The following C3orf22 variants were observed in gnomAD, a reference collection of about 807,000 sequenced individuals.
C3orf22 encodes chromosome 3 open reading frame 22, also known as uncharacterized protein C3orf22.
Under a neutral mutation model 10.8 loss-of-function variants are expected in C3orf22, and 7 were observed. That is an observed-to-expected ratio of 0.65 (90% CI 0.37 to 1.22). The LOEUF (loss-of-function observed/expected upper bound fraction) is 1.22. Ranked by LOEUF, C3orf22 falls within the 50% of genes most tolerant of loss-of-function variation. The pLI is 0.02. For missense variants in C3orf22, 173 were observed against 177.0 expected, an observed-to-expected ratio of 0.98 and a Z score of 0.13; for synonymous variants, 79 against 78.9, an observed-to-expected ratio of 1.00 and a Z score of 0.00.
At chr3:126,533,134 C>A (rs1936692782) in intron 4 of C3orf22, among the ~76,000 whole-genome samples, 1 of 152,192 alleles carries the variant, frequency 6.6e-6, no homozygotes, top group South Asian at 2.1e-4. Context: ...TTTGTGAATT[C>A]TTTAGGGTTT....
chr3:126,556,801 GCTCACCCACACACACAGA>G (rs1937346767), intron 1 of C3orf22, among the ~76,000 whole-genome samples: 1 of 106,524 alleles, frequency 9.4e-6, no homozygotes, highest in Non-Finnish European at 2.0e-5. Context: ...ACACACTCAG[GCTCACCCACACACACAGA>G]CTCACATACA....
downstream of C3orf22, chr3:126,549,654 A>T: frequency 6.6e-7 from 1 of 1,515,388 alleles, no homozygotes; most frequent in East Asian, 2.5e-5. Flanking sequence ...TGAGAAAATG[A>T]AGGCTCAGGG....
At chr3:126,549,563 G>A, downstream of C3orf22, 1 of 1,017,920 alleles carries the variant, frequency 9.8e-7, no homozygotes. Context: ...TTGGGATAAA[G>A]TCCTAGAAGT....
exon 5 of C3orf22, chr3:126,529,368 C>T: frequency 1.6e-6 from 2 of 1,289,340 alleles, no homozygotes; most frequent in Non-Finnish European, 2.0e-6. Context: ...ATGGGGCCCA[C>T]TTGCCTACGG....
chr3:126,535,278 T>C (rs1160408508), intron 4 of C3orf22, among the ~76,000 whole-genome samples: 1 of 146,524 alleles, frequency 6.8e-6, no homozygotes, highest in African/African-American at 2.6e-5. Flanking sequence ...ATCACTGTCC[T>C]CAGCTGGAGA....
At chr3:126,555,797 G>A (rs186819443) in intron 1 of C3orf22, among the ~76,000 whole-genome samples, 36 of 152,292 alleles carry the variant, frequency 2.4e-4, no homozygotes, top group Non-Finnish European at 3.8e-4. Flanking sequence ...CTACCTTCCT[G>A]CTCCATAACC....
downstream of C3orf22, among the ~76,000 whole-genome samples, chr3:126,547,687 G>A (rs1377776300): frequency 6.6e-6 from 1 of 152,134 alleles, no homozygotes; most frequent in African/African-American, 2.4e-5. Flanking sequence ...GAGAGGCTGG[G>A]AACTCTCTGG....
chr3:126,556,480 C>G (rs1170683453), intron 1 of C3orf22, among the ~76,000 whole-genome samples: 1 of 152,016 alleles, frequency 6.6e-6, no homozygotes, highest in Non-Finnish European at 1.5e-5. Flanking sequence ...GGGTGCAGCT[C>G]CCAAGTGCAG....
intron 4 of C3orf22, among the ~76,000 whole-genome samples, chr3:126,541,490 AC>A (rs1194675952): frequency 1.3e-5 from 2 of 152,124 alleles, no homozygotes; most frequent in Non-Finnish European, 2.9e-5. Flanking sequence ...CGGCATACAT[AC>A]CCAGCGCGTC....
chr3:126,555,580 A>G (rs1281161424), intron 1 of C3orf22, among the ~76,000 whole-genome samples: 1 of 152,158 alleles, frequency 6.6e-6, no homozygotes, highest in Non-Finnish European at 1.5e-5. Context: ...TGGGGAATCT[A>G]GGCTGCATGC....
chr3:126,530,891 C>T (rs940208245), intron 4 of C3orf22, among the ~76,000 whole-genome samples: 4 of 152,262 alleles, frequency 2.6e-5, no homozygotes, highest in African/African-American at 4.8e-5. Context: ...GAGTCTGGCC[C>T]TTGTTCCTGG....
intron 4 of C3orf22, among the ~76,000 whole-genome samples, chr3:126,536,896 A>AACACACACAC (rs10670471): frequency 0.029 from 4,111 of 140,398 alleles, 88 homozygotes; most frequent in African/African-American, 0.054. Context: ...CACACACACA[A>AACACACACAC]ACACACACAC....
chr3:126,530,307 C>G (rs142293270), intron 4 of C3orf22, among the ~76,000 whole-genome samples: 11 of 152,376 alleles, frequency 7.2e-5, no homozygotes, highest in Non-Finnish European at 1.5e-4. Flanking sequence ...CCCCTGGGGG[C>G]TGTTATGGTA....
chr3:126,552,488 G>T (rs2107581948), intron 2 of C3orf22, among the ~76,000 whole-genome samples: 1 of 152,318 alleles, frequency 6.6e-6, no homozygotes, highest in South Asian at 2.1e-4. Flanking sequence ...TCATGTGATG[G>T]TGTCTGCGGT....
chr3:126,541,656 C>T, intron 4 of C3orf22: 1 of 1,313,404 alleles, frequency 7.6e-7, no homozygotes, highest in Non-Finnish European at 9.9e-7. Context: ...CGGGCGCATC[C>T]CGCCGGGGCA....
At chr3:126,530,378 G>A (rs776458972) in intron 4 of C3orf22, among the ~76,000 whole-genome samples, 7 of 152,262 alleles carry the variant, frequency 4.6e-5, no homozygotes, top group South Asian at 2.1e-4. Flanking sequence ...AAGGGCTGGC[G>A]TTTCCGGAAG....
chr3:126,529,158 G>A, exon 5 of C3orf22: 1 of 506,822 alleles, frequency 2.0e-6, no homozygotes, highest in South Asian at 1.6e-5. Context: ...GCCCTGCTTT[G>A]GCTGAGGTGG....
chr3:126,547,849 A>C (rs1434043542), downstream of C3orf22, among the ~76,000 whole-genome samples: 1 of 152,174 alleles, frequency 6.6e-6, no homozygotes, highest in Non-Finnish European at 1.5e-5. Context: ...CAGTAGCACA[A>C]AGTGGAAACA....
intron 3 of C3orf22, among the ~76,000 whole-genome samples, chr3:126,550,936 G>T (rs1174477600): frequency 6.6e-6 from 1 of 152,218 alleles, no homozygotes; most frequent in African/African-American, 2.4e-5. Flanking sequence ...TAGAATCTGA[G>T]ACCAGGAACA....
Sources: allele counts gnomAD v4.1 joint callset (sites outside exome capture counted in the v4.1 genomes callset), GRCh38; gene constraint gnomAD v4.1.1; transcripts MANE v1.5; gene names NCBI Gene and HGNC (gene_info 2026-07-23, HGNC 2026-07-21).